The following SLC9C2 variants were observed in gnomAD, a reference collection of about 807,000 sequenced individuals.
SLC9C2 encodes solute carrier family 9 member C2 (putative).
Under a neutral mutation model 140.2 loss-of-function variants are expected in SLC9C2, and 75 were observed. The ratio of observed to expected loss-of-function variants is 0.53; its 90% CI spans 0.44 to 0.65. The LOEUF is 0.65. SLC9C2 is among the 30% of genes least tolerant of loss of function. The pLI, the probability that SLC9C2 is intolerant of heterozygous loss-of-function variation, is 0.00. For missense variants in SLC9C2, 1,074 were observed against 1,331.8 expected, an observed-to-expected ratio of 0.81 and a Z score of 3.01; for synonymous variants, 375 against 420.9, an observed-to-expected ratio of 0.89 and a Z score of 1.34.
At chr1:173,585,962 C>T (rs973189193) in intron 5 of SLC9C2, among the ~76,000 whole-genome samples, 9 of 151,004 alleles carry the variant, frequency 6.0e-5, no homozygotes, top group East Asian at 5.8e-4. Context: ...AGCGAAACTC[C>T]GTCTCAAAAA....
At position 173,536,825 on chromosome 1, in the gene SLC9C2, T is replaced by C. The variant is rs1279790112; in HGVS notation, c.1655+117A>G. 14 of 737,546 alleles carry C rather than the reference T, an allele frequency of 1.9e-5. No homozygotes were observed. In the East Asian group the frequency reaches 3.0e-4, roughly 16 times the overall value. The allele number at this position is 737,546 out of a possible 1,614,324, so 45.7% of individuals were successfully genotyped here. A position where few individuals can be genotyped will look rare whatever the true frequency, so the allele number is the denominator to read the frequency against. On this transcript the variant is annotated intron_variant, in intron 14 of 27. Transcript: ENST00000367714. The stretch of plus-strand genomic sequence containing the variant: ...GATGGACAGACAGAAGATGGATACA[T>C]ACAGATATGTGAAATAATAGATTGA...
At chr1:173,579,572 A>G (rs552355780) in intron 7 of SLC9C2, among the ~76,000 whole-genome samples, 2 of 152,290 alleles carry the variant, frequency 1.3e-5, no homozygotes, top group East Asian at 3.9e-4. Context: ...AAGTGTCTCA[A>G]TTGTTTAAGG....
intron 18 of SLC9C2, 87 bp from the exon 19 acceptor site, chr1:173,526,801 T>G (rs921865901): frequency 1.1e-6 from 1 of 910,358 alleles, no homozygotes; most frequent in Non-Finnish European, 1.7e-6. Flanking sequence ...TCTTCTTATA[T>G]TCCTGAGAAG....
At chr1:173,547,551 T>G (rs936863154) in intron 13 of SLC9C2, 138 bp downstream of exon 13, 1 of 614,870 alleles carries the variant, frequency 1.6e-6, no homozygotes, top group African/African-American at 1.9e-5. Context: ...ATTTTTTAAC[T>G]TTAACAAATC....
chr1:173,542,748 A>G (rs1464074746), intron 13 of SLC9C2, among the ~76,000 whole-genome samples: 1 of 152,190 alleles, frequency 6.6e-6, no homozygotes, highest in South Asian at 2.1e-4. Flanking sequence ...AACAGAACCA[A>G]AGACAAAAAC....
At chr1:173,526,498 C>A (rs1281666036) in intron 19 of SLC9C2, among the ~76,000 whole-genome samples, 165 bp downstream of exon 19, 1 of 152,190 alleles carries the variant, frequency 6.6e-6, no homozygotes, top group African/African-American at 2.4e-5. Context: ...TCAGGATCTA[C>A]TCATCTTTGC....
At chr1:173,515,466 T>G (rs1053758530) in intron 23 of SLC9C2, among the ~76,000 whole-genome samples, 1 of 152,258 alleles carries the variant, frequency 6.6e-6, no homozygotes, top group Non-Finnish European at 1.5e-5. Flanking sequence ...TTGATCCTTG[T>G]GCATGCTTCA....
chr1:173,539,689 T>C (rs760284209), intron 13 of SLC9C2, among the ~76,000 whole-genome samples: 12 of 152,082 alleles, frequency 7.9e-5, no homozygotes, highest in Non-Finnish European at 1.8e-4. Flanking sequence ...ATAAGAACAG[T>C]GGACAGAGTT....
At chr1:173,583,046 A>T (rs1665644128) in intron 6 of SLC9C2, among the ~76,000 whole-genome samples, 1 of 152,202 alleles carries the variant, frequency 6.6e-6, no homozygotes, top group Admixed American at 6.5e-5. Flanking sequence ...AAGAACACAC[A>T]TGCAGTCCTC....
chr1:173,580,386 C>G (rs1334752070), intron 7 of SLC9C2, among the ~76,000 whole-genome samples: 1 of 151,548 alleles, frequency 6.6e-6, no homozygotes, highest in Non-Finnish European at 1.5e-5. Flanking sequence ...GAGTCTCACT[C>G]TGTTGCCCAG....
At chr1:173,518,009 C>A (rs1011826215) in intron 22 of SLC9C2, among the ~76,000 whole-genome samples, 1 of 152,132 alleles carries the variant, frequency 6.6e-6, no homozygotes, top group Non-Finnish European at 1.5e-5. Flanking sequence ...GCCTGTAATC[C>A]CAGCACTTTG....
chr1:173,524,245 C>G, intron 20 of SLC9C2, 151 bp from the exon 21 acceptor site: 1 of 735,934 alleles, frequency 1.4e-6, no homozygotes, highest in Non-Finnish European at 2.1e-6. Context: ...CTAAATTCCT[C>G]TAACCATTTT....
chr1:173,502,576 C>A (rs940402969), intron 27 of SLC9C2, among the ~76,000 whole-genome samples: 2 of 152,180 alleles, frequency 1.3e-5, no homozygotes, highest in African/African-American at 4.8e-5. Context: ...GGCCCATATT[C>A]CTTTTCAACT....
chr1:173,586,871 G>A (rs1255220014), intron 5 of SLC9C2, among the ~76,000 whole-genome samples: 1 of 152,132 alleles, frequency 6.6e-6, no homozygotes, highest in Non-Finnish European at 1.5e-5. Context: ...ACACACCGGG[G>A]CCTGTTGGGG....
At chr1:173,544,953 G>A (rs563423503) in intron 13 of SLC9C2, among the ~76,000 whole-genome samples, 277 of 152,102 alleles carry the variant, frequency 1.8e-3, no homozygotes, top group Non-Finnish European at 3.1e-3. Flanking sequence ...ACATGTATAC[G>A]TATGTAACAA....
At chr1:173,554,236 T>C (rs1472321227) in intron 11 of SLC9C2, among the ~76,000 whole-genome samples, 1 of 152,170 alleles carries the variant, frequency 6.6e-6, no homozygotes, top group African/African-American at 2.4e-5. Context: ...TGTGTGTCCA[T>C]GTGACTAAGT....
intron 22 of SLC9C2, among the ~76,000 whole-genome samples, chr1:173,518,650 A>G (rs1315448932): frequency 6.6e-6 from 1 of 152,240 alleles, no homozygotes; most frequent in Non-Finnish European, 1.5e-5. Flanking sequence ...AATTTTTCAG[A>G]AAGTTTAGCT....
intron 13 of SLC9C2, among the ~76,000 whole-genome samples, 192 bp from the exon 14 acceptor site, chr1:173,537,231 T>C (rs1460173779): frequency 6.6e-6 from 1 of 152,162 alleles, no homozygotes; most frequent in Admixed American, 6.5e-5. Flanking sequence ...TTATAAAGTA[T>C]AGTCCTGAAT....
At chr1:173,535,532 G>T (rs563925014) in intron 15 of SLC9C2, among the ~76,000 whole-genome samples, 1 of 152,234 alleles carries the variant, frequency 6.6e-6, no homozygotes, top group Admixed American at 6.5e-5. Flanking sequence ...CCTGCTCTAT[G>T]TTATATCCAG....
Sources: gnomAD v4.1 joint callset for allele counts (sites outside exome capture counted in the v4.1 genomes callset) on GRCh38, gnomAD v4.1.1 for gene constraint, MANE v1.5 for transcripts, NCBI Gene and HGNC (gene_info 2026-07-23, HGNC 2026-07-21) for gene names.